The following CACNA2D3 variants were observed in gnomAD, a reference collection of about 807,000 sequenced individuals.
The protein encoded by CACNA2D3 is calcium voltage-gated channel auxiliary subunit alpha2delta 3.
In CACNA2D3, 60 loss-of-function variants were observed where a neutral mutation model predicts 160.6. That is an observed-to-expected ratio of 0.37 (90% confidence interval 0.30 to 0.46). The LOEUF is 0.46. CACNA2D3 is among the 20% of genes least tolerant of loss of function. The pLI is 1.00. For missense variants in CACNA2D3, 1,205 were observed against 1,365.0 expected, an observed-to-expected ratio of 0.88 and a Z score of 1.85; for synonymous variants, 558 against 492.9, an observed-to-expected ratio of 1.13 and a Z score of -1.75.
At chr3:54,891,717 T>G (rs1700073134) in intron 25 of CACNA2D3, among the ~76,000 whole-genome samples, 1 of 152,146 alleles carries the variant, frequency 6.6e-6, no homozygotes, top group African/African-American at 2.4e-5. Context: ...TGATGAGTCA[T>G]TTCAGAACTC....
intron 11 of CACNA2D3, among the ~76,000 whole-genome samples, chr3:54,724,594 C>G (rs1431127144): frequency 6.6e-6 from 1 of 152,098 alleles, no homozygotes; most frequent in Non-Finnish European, 1.5e-5. Flanking sequence ...CCATCAAACT[C>G]TAGAACTCAG....
intron 3 of CACNA2D3, among the ~76,000 whole-genome samples, chr3:54,321,932 A>C (rs1300301616): frequency 6.6e-6 from 1 of 152,024 alleles, no homozygotes; most frequent in Non-Finnish European, 1.5e-5. Flanking sequence ...CAAAAAAAAA[A>C]AAAAAAAAAA....
chr3:54,651,843 G>T (rs1291816921), intron 11 of CACNA2D3, among the ~76,000 whole-genome samples: 6 of 152,162 alleles, frequency 3.9e-5, no homozygotes, highest in Non-Finnish European at 8.8e-5. Context: ...GTTCTGTGGG[G>T]CATGTGCCAT....
intron 2 of CACNA2D3, among the ~76,000 whole-genome samples, chr3:54,235,550 T>A (rs1007153282): frequency 6.6e-6 from 1 of 152,134 alleles, no homozygotes; most frequent in African/African-American, 2.4e-5. Context: ...TACTAAACCA[T>A]TCATGAGAAA....
At chr3:54,907,410 C>T (rs1700469524) in intron 27 of CACNA2D3, among the ~76,000 whole-genome samples, 1 of 152,108 alleles carries the variant, frequency 6.6e-6, no homozygotes, top group South Asian at 2.1e-4. Context: ...TGGAATATGT[C>T]TTAGACCCAG....
chr3:55,016,321 A>C (rs935157368), intron 34 of CACNA2D3, among the ~76,000 whole-genome samples: 2 of 152,246 alleles, frequency 1.3e-5, no homozygotes, highest in Non-Finnish European at 2.9e-5. Flanking sequence ...CAGCACTCAC[A>C]GCGTGCCAGC....
intron 9 of CACNA2D3, among the ~76,000 whole-genome samples, chr3:54,610,966 G>A (rs961209464): frequency 2.0e-5 from 3 of 152,040 alleles, no homozygotes; most frequent in Non-Finnish European, 4.4e-5. Flanking sequence ...TCTAATCCCT[G>A]GCTTTTCTTC....
At chr3:54,123,159 T>TGG (rs879481202) in intron 1 of CACNA2D3, among the ~76,000 whole-genome samples, 10 of 122,274 alleles carry the variant, frequency 8.2e-5, no homozygotes, top group Non-Finnish European at 1.3e-4. Flanking sequence ...ACTTCTTTTT[T>TGG]TGGGGGGGGG....
chr3:54,821,697 T>TCTCTTTCTTTCTTTCCTTCC (rs1703603654), intron 14 of CACNA2D3, among the ~76,000 whole-genome samples: 1 of 84,096 alleles, frequency 1.2e-5, no homozygotes, highest in Non-Finnish European at 2.4e-5. Flanking sequence ...TCTTTCTTTC[T>TCTCTTTCTTTCTTTCCTTCC]TTCCTTCCTT....
At chr3:54,588,620 T>A (rs1702805642) in intron 9 of CACNA2D3, among the ~76,000 whole-genome samples, 1 of 152,060 alleles carries the variant, frequency 6.6e-6, no homozygotes, top group Admixed American at 6.6e-5. Context: ...ATATACAAGA[T>A]CAACACAAAA....
chr3:54,912,123 C>A (rs1559626212), intron 27 of CACNA2D3, among the ~76,000 whole-genome samples: 1 of 150,190 alleles, frequency 6.7e-6, no homozygotes, highest in African/African-American at 2.5e-5. Flanking sequence ...GGCCAGAGAC[C>A]TCTCTTACCT....
chr3:54,803,104 T>C (rs1056396705), intron 13 of CACNA2D3, among the ~76,000 whole-genome samples: 4 of 151,786 alleles, frequency 2.6e-5, no homozygotes, highest in Non-Finnish European at 5.9e-5. Context: ...ACCACAAAGA[T>C]GGGGAAAAAA....
intron 5 of CACNA2D3, among the ~76,000 whole-genome samples, chr3:54,528,284 C>T (rs6445686): frequency 0.99 from 150,962 of 152,024 alleles, 74,961 homozygotes; most frequent in Middle Eastern, 1. Flanking sequence ...AAAAAATGGG[C>T]ATGAGAATAG....
intron 3 of CACNA2D3, among the ~76,000 whole-genome samples, chr3:54,380,172 G>A (rs914286228): frequency 2.0e-5 from 3 of 152,290 alleles, no homozygotes; most frequent in East Asian, 1.9e-4. Context: ...AAATAAGTAC[G>A]GGAAACAAAT....
At chr3:54,225,748 G>A (rs57973466) in intron 2 of CACNA2D3, among the ~76,000 whole-genome samples, 2,304 of 151,032 alleles carry the variant, frequency 0.015, 52 homozygotes, top group African/African-American at 0.053. Flanking sequence ...CCTCAAACCT[G>A]TATCACTGGG....
At chr3:54,338,959 G>A (rs1015480477) in intron 3 of CACNA2D3, among the ~76,000 whole-genome samples, 2 of 152,170 alleles carry the variant, frequency 1.3e-5, no homozygotes, top group Admixed American at 1.3e-4. Context: ...CAGTAGCCAG[G>A]TTATTTTCTC....
chr3:54,405,324 A>G (rs1699555770), intron 4 of CACNA2D3, among the ~76,000 whole-genome samples: 1 of 151,408 alleles, frequency 6.6e-6, no homozygotes. Context: ...TTAAAATTAT[A>G]TTACGAAGCA....
intron 27 of CACNA2D3, among the ~76,000 whole-genome samples, chr3:54,932,437 A>C (rs1010068789): frequency 5.3e-5 from 8 of 152,194 alleles, no homozygotes; most frequent in Admixed American, 1.3e-4. Flanking sequence ...GAGACTAAAG[A>C]AAAAGAGGGG....
chr3:54,821,545 A>G (rs1703590942), intron 14 of CACNA2D3, among the ~76,000 whole-genome samples: 2 of 152,164 alleles, frequency 1.3e-5, no homozygotes, highest in Admixed American at 6.5e-5. Flanking sequence ...CCTGAGTGCA[A>G]ACGGCATCCT....
Sources: gnomAD v4.1 joint callset for allele counts (sites outside exome capture counted in the v4.1 genomes callset) on GRCh38, gnomAD v4.1.1 for gene constraint, MANE v1.5 for transcripts, NCBI Gene and HGNC (gene_info 2026-07-23, HGNC 2026-07-21) for gene names.